IPPK: variants seen among roughly 807,000 people sequenced by gnomAD.
IPPK encodes inositol-pentakisphosphate 2-kinase, also known as IPK1 homolog.
IPPK carries 22 observed loss-of-function variants against 64.6 expected under a neutral mutation model. The observed-to-expected ratio is 0.34, with a 90% CI of 0.24 to 0.49. The LOEUF (loss-of-function observed/expected upper bound fraction) is 0.49, where lower values mean the gene tolerates loss of function less well. IPPK is among the 20% of genes least tolerant of loss of function. The pLI is 0.99. For synonymous variants in IPPK, 262 were observed against 247.2 expected (o/e 1.06, Z -0.56); for missense variants, 532 against 630.7 (o/e 0.84, Z 1.68).
At chr9:92,652,470 A>G in intron 4 of IPPK, 103 bp downstream of exon 4, 3 of 482,302 alleles carry the variant, frequency 6.2e-6, no homozygotes, top group Non-Finnish European at 1.1e-5. Context: ...AAAAAAAAGG[A>G]TTACTGAAAA....
At chr9:92,642,707 C>G in intron 7 of IPPK, 45 bp downstream of exon 7, 1 of 1,579,466 alleles carries the variant, frequency 6.3e-7, no homozygotes, top group Non-Finnish European at 8.7e-7. Context: ...CTACCCATCT[C>G]CAGGGAACCT....
rs1222790876 is a variant in IPPK at position 92,613,264 on chromosome 9, C to T, written c.*2568G>A. 3 of 1,236,634 alleles carry T rather than the reference C, an allele frequency of 2.4e-6. No individual in the cohort carries two copies. In the African/African-American group the frequency reaches 4.5e-5, roughly 18 times the overall value. The allele number at this position is 1,236,634 out of a possible 1,614,324, so 76.6% of individuals were successfully genotyped here. On this transcript the variant is annotated 3_prime_UTR_variant, in exon 13 of 13. Coordinates refer to ENST00000287996, the MANE Select transcript of IPPK (RefSeq NM_022755.6). Reference sequence around the variant, plus strand: ...AAACCACACCCTGAAGACGTGCTGTCTATGCAGTTATGGCACATTATATGG... The same window carrying T: ...AAACCACACCCTGAAGACGTGCTGTTTATGCAGTTATGGCACATTATATGG...
At chr9:92,640,450 C>CGAGCACCCCAGGGTCAT in intron 8 of IPPK, among the ~76,000 whole-genome samples, 1 of 152,236 alleles carries the variant, frequency 6.6e-6, no homozygotes, top group East Asian at 1.9e-4. Context: ...GGGCTTTGGT[C>CGAGCACCCCAGGGTCAT]GAGCACCCCA....
chr9:92,625,256 C>T (rs72756404), intron 11 of IPPK, among the ~76,000 whole-genome samples: 6,061 of 152,032 alleles, frequency 0.04, 186 homozygotes, highest in South Asian at 0.11. Flanking sequence ...ATCTAGTGTT[C>T]GCAAGGACAT....
intron 11 of IPPK, among the ~76,000 whole-genome samples, chr9:92,621,650 G>A (rs1253959807): frequency 6.6e-6 from 1 of 151,380 alleles, no homozygotes; most frequent in African/African-American, 2.4e-5. Context: ...AGGCAGGTAA[G>A]ACTACAGGTA....
In IPPK at chr9:92,663,820, A is replaced by G. The variant is rs545880156; in HGVS notation, c.82-5139T>C. On this transcript the variant is annotated intron_variant, in intron 1 of 12. Coordinates refer to ENST00000287996, the MANE Select transcript of IPPK (RefSeq NM_022755.6). ...AGAGATCTGTCAAAAGACAAGGACC[A>G]AGGTCAAGTCTTCCATCAGGCTGAG... Among the ~76,000 whole-genome samples, 8 of 152,370 alleles carry G rather than the reference A, an allele frequency of 5.3e-5. No individual in the cohort carries two copies. In the South Asian group the frequency reaches 1.7e-3, roughly 32 times the overall value.
chr9:92,660,377 G>A (rs1852457553), intron 1 of IPPK, among the ~76,000 whole-genome samples: 1 of 152,220 alleles, frequency 6.6e-6, no homozygotes. Flanking sequence ...CTGCCATGGT[G>A]CAAGCTCTCA....
chr9:92,642,844 C>T (rs1482058569), intron 6 of IPPK, 34 bp from the exon 7 acceptor site: 9 of 1,569,432 alleles, frequency 5.7e-6, no homozygotes, highest in Non-Finnish European at 7.9e-6. Context: ...CATGAGGTGA[C>T]TGGCGCTGGT....
intron 4 of IPPK, among the ~76,000 whole-genome samples, chr9:92,652,137 G>A (rs1852278840): frequency 6.6e-6 from 1 of 151,878 alleles, no homozygotes. Flanking sequence ...CCCTGATAAT[G>A]AAGTTTCTGG....
chr9:92,665,477 G>A (rs1852575219), intron 1 of IPPK, among the ~76,000 whole-genome samples: 1 of 152,128 alleles, frequency 6.6e-6, no homozygotes, highest in African/African-American at 2.4e-5. Context: ...CCTTAGAACG[G>A]ACTACTAGAA....
At chr9:92,661,284 G>C (rs1476733549) in intron 1 of IPPK, among the ~76,000 whole-genome samples, 18 of 152,206 alleles carry the variant, frequency 1.2e-4, no homozygotes. Context: ...TCAAGATCAA[G>C]GTCTTGACCC....
chr9:92,642,671 C>A, intron 7 of IPPK, 81 bp downstream of exon 7: 3 of 1,134,200 alleles, frequency 2.6e-6, no homozygotes, highest in Non-Finnish European at 4.0e-6. Flanking sequence ...TCACGAAATA[C>A]CCCCCACCAG....
At chr9:92,633,782 T>A (rs539163631) in intron 11 of IPPK, among the ~76,000 whole-genome samples, 14 of 152,316 alleles carry the variant, frequency 9.2e-5, no homozygotes, top group African/African-American at 3.1e-4. Flanking sequence ...AACTCCTGGG[T>A]CCTGATGAAC....
In IPPK at chr9:92,635,222, T is replaced by C. The variant is rs746490623; in HGVS notation, c.1003A>G (p.Ile335Val). 3.7e-6 allele frequency: 6 copies of C among 1,614,034 alleles called. No individual in the cohort carries two copies. Among genetic ancestry groups the C allele is most frequent in the East Asian group, 4.5e-5 (2 of 44,882 alleles). Residue 335 changes from isoleucine (I) to valine (V), a missense_variant, in exon 10 of 13, where the codon ATC (isoleucine) becomes GTC (valine). Transcript: ENST00000287996. The surrounding 1 kb of genome is among the most constrained non-coding windows in gnomAD (Gnocchi z 4.4). ...TTGTACAGAGGGTAGAGGCCTTCGA[T>C]GTCCAGCAGGTCCAACATCTGCACC... ...LQVQMLDLLD[I>V]EGLYPLYNRV...
chr9:92,663,611 A>G (rs1047309604), intron 1 of IPPK, among the ~76,000 whole-genome samples: 3 of 152,228 alleles, frequency 2.0e-5, no homozygotes, highest in African/African-American at 7.2e-5. Context: ...ATAAAAATAG[A>G]AGGCCACAAA....
At chr9:92,653,873 C>T (rs948470248) in intron 3 of IPPK, among the ~76,000 whole-genome samples, 2 of 152,114 alleles carry the variant, frequency 1.3e-5, no homozygotes, top group East Asian at 1.9e-4. Context: ...AAAGAAAATT[C>T]GTAAATTAGA....
intron 3 of IPPK, among the ~76,000 whole-genome samples, chr9:92,654,365 A>C (rs554638801): frequency 6.6e-6 from 1 of 152,134 alleles, no homozygotes; most frequent in South Asian, 2.1e-4. Flanking sequence ...AGAAAAACTA[A>C]AATTAGCTGG....
Position 92,619,651 on chromosome 9 carries a change from G to A in IPPK, c.1171-86C>T, listed in dbSNP as rs1286982285. ...CCTTCCTTCCCAGTAGCCAAGTGTGGGAACTGCTTCCTGCCTCAGAACCTG... is the reference window on the plus strand; with the variant it reads ...CCTTCCTTCCCAGTAGCCAAGTGTGAGAACTGCTTCCTGCCTCAGAACCTG... On this transcript the variant is annotated intron_variant, in intron 11 of 12. Transcript: ENST00000287996. 23 of 1,204,582 alleles carry A rather than the reference G, an allele frequency of 1.9e-5. 1 individual carries two copies. The highest frequency in any genetic ancestry group is 2.7e-5 in the Non-Finnish European group (23 of 837,302). The allele number at this position is 1,204,582 out of a possible 1,614,324, so 74.6% of individuals were successfully genotyped here.
intron 6 of IPPK, among the ~76,000 whole-genome samples, chr9:92,646,345 G>C (rs1852149844): frequency 6.6e-6 from 1 of 152,264 alleles, no homozygotes; most frequent in Admixed American, 6.5e-5. Context: ...ACATGGAACA[G>C]TCTTGAGGAA....
Sources: gnomAD v4.1 joint callset for allele counts (sites outside exome capture counted in the v4.1 genomes callset) on GRCh38, gnomAD v4.1.1 for gene constraint, Gnocchi (gnomAD v3.1) non-coding constraint, MANE v1.5 for transcripts, NCBI Gene and HGNC (gene_info 2026-07-23, HGNC 2026-07-21) for gene names.